EYS: variants seen among roughly 807,000 people sequenced by gnomAD.
The protein encoded by EYS is EGF-like photoreceptor maintenance factor.
A neutral mutation model predicts 282.1 loss-of-function variants in EYS; 250 were observed. The ratio of observed to expected loss-of-function variants is 0.89; its 90% confidence interval spans 0.80 to 0.98. EYS has a LOEUF of 0.98. Among genes scored for constraint, EYS ranks in the 50% least tolerant of loss-of-function variants. The pLI, the probability that EYS is intolerant of heterozygous loss-of-function variation, is 0.00. For synonymous variants in EYS, 1,355 were observed against 1,282.9 expected (o/e 1.06, Z -1.20); for missense variants, 4,016 against 3,709.0 (o/e 1.08, Z -2.15).
chr6:64,212,921 A>G (rs1400696039), intron 31 of EYS, among the ~76,000 whole-genome samples: 1 of 152,196 alleles, frequency 6.6e-6, no homozygotes, highest in Non-Finnish European at 1.5e-5. Context: ...ATGAAATACT[A>G]TGTAGCCATA....
chr6:65,143,498 C>CA (rs1403576870), intron 12 of EYS, among the ~76,000 whole-genome samples: 1 of 151,776 alleles, frequency 6.6e-6, no homozygotes, highest in African/African-American at 2.4e-5. Flanking sequence ...ATTTAGATAA[C>CA]AAAAATATTA....
At chr6:63,972,656 C>T (rs922079141) in intron 35 of EYS, among the ~76,000 whole-genome samples, 6 of 152,026 alleles carry the variant, frequency 3.9e-5, no homozygotes, top group Admixed American at 6.6e-5. Flanking sequence ...CCATCATCTA[C>T]GTCATGTATT....
In EYS at chr6:63,863,952, G is replaced by T. The variant is rs1276974239; in HGVS notation, c.7228+234C>A. On this transcript the variant is annotated intron_variant, in intron 36 of 42. Coordinates refer to ENST00000503581, the MANE Select transcript of EYS (RefSeq NM_001142800.2). ...GCGTCCCAAAGTGCTGGGATTACAG[G>T]CGTGAGCCACTGTACCTAGCCACCA... Among the ~76,000 whole-genome samples, 7 of 152,230 alleles carry T rather than the reference G, an allele frequency of 4.6e-5. No homozygotes were observed. In the East Asian group the frequency reaches 1.4e-3, roughly 29 times the overall value.
intron 35 of EYS, among the ~76,000 whole-genome samples, chr6:63,965,992 T>C (rs562031870): frequency 6.6e-6 from 1 of 152,326 alleles, no homozygotes; most frequent in African/African-American, 2.4e-5. Context: ...GCAAAGTGTT[T>C]AACCTCAGTT....
chr6:63,757,273 TA>T (rs2149652494), intron 41 of EYS, among the ~76,000 whole-genome samples: 1 of 152,098 alleles, frequency 6.6e-6, no homozygotes, highest in African/African-American at 2.4e-5. Context: ...GCGGTTGACA[TA>T]AGGACTGAAA....
chr6:64,549,711 G>A (rs1050441240), intron 26 of EYS, among the ~76,000 whole-genome samples: 1 of 149,388 alleles, frequency 6.7e-6, no homozygotes, highest in Non-Finnish European at 1.5e-5. Flanking sequence ...CACTCCTTAC[G>A]CCTTCCTACA....
chr6:64,974,168 C>A (rs911753049), intron 14 of EYS, among the ~76,000 whole-genome samples: 1 of 151,718 alleles, frequency 6.6e-6, no homozygotes, highest in Admixed American at 6.6e-5. Flanking sequence ...CCAGAGACAT[C>A]TATTCAAAAA....
intron 12 of EYS, among the ~76,000 whole-genome samples, chr6:65,276,574 A>G (rs1768054077): frequency 6.6e-6 from 1 of 152,158 alleles, no homozygotes; most frequent in African/African-American, 2.4e-5. Context: ...AACAGAGGTA[A>G]GGAAGGCTAT....
intron 10 of EYS, 95 bp downstream of exon 10, chr6:65,343,943 A>G (rs1281374713): frequency 1.7e-5 from 18 of 1,070,120 alleles, no homozygotes; most frequent in Non-Finnish European, 2.6e-5. Context: ...TTGAATATTT[A>G]AGAATCTGTA....
chr6:65,428,906 G>A (rs773736133), intron 5 of EYS, among the ~76,000 whole-genome samples: 1 of 152,104 alleles, frequency 6.6e-6, no homozygotes, highest in Non-Finnish European at 1.5e-5. Flanking sequence ...TTCTGAGCCG[G>A]GCGTGGTGGC....
intron 31 of EYS, among the ~76,000 whole-genome samples, chr6:64,141,238 T>A (rs563076336): frequency 9.8e-5 from 15 of 152,328 alleles, no homozygotes; most frequent in Admixed American, 9.8e-4. Context: ...TATAGATATA[T>A]GTGCCCATCT....
intron 33 of EYS, among the ~76,000 whole-genome samples, chr6:64,060,353 C>A (rs1771123581): frequency 6.6e-6 from 1 of 151,974 alleles, no homozygotes. Flanking sequence ...TAGGTCAATA[C>A]CATCTGGTCA....
chr6:64,296,147 A>C (rs1020410866), intron 30 of EYS, among the ~76,000 whole-genome samples: 1 of 152,154 alleles, frequency 6.6e-6, no homozygotes, highest in Admixed American at 6.5e-5. Context: ...GTTTTGGCAT[A>C]ATATCAAAGA....
intron 31 of EYS, among the ~76,000 whole-genome samples, chr6:64,143,003 T>C (rs988314561): frequency 6.6e-6 from 1 of 151,928 alleles, no homozygotes; most frequent in African/African-American, 2.4e-5. Context: ...TGCTAAAAAG[T>C]GAGAAAGCCA....
intron 12 of EYS, among the ~76,000 whole-genome samples, chr6:65,209,686 G>T (rs913814067): frequency 6.6e-6 from 1 of 151,910 alleles, no homozygotes; most frequent in Non-Finnish European, 1.5e-5. Flanking sequence ...ACTTTCAGGT[G>T]GAGGAAGTGC....
At chr6:65,400,987 C>T (rs1012647377) in intron 7 of EYS, among the ~76,000 whole-genome samples, 1 of 151,898 alleles carries the variant, frequency 6.6e-6, no homozygotes, top group Non-Finnish European at 1.5e-5. Flanking sequence ...ATCAGCATCA[C>T]TTACGACTTG....
chr6:65,036,882 G>A (rs141471385), intron 13 of EYS, among the ~76,000 whole-genome samples: 12 of 151,926 alleles, frequency 7.9e-5, no homozygotes, highest in Admixed American at 2.6e-4. Context: ...TAGTCCTGCC[G>A]TGGTTAAAAG....
Position 65,705,055 on chromosome 6 carries a change from T to C in EYS, c.-448+2080A>G, listed in dbSNP as rs562331834. Among the ~76,000 whole-genome samples, 7 of 152,314 alleles carry C rather than the reference T, an allele frequency of 4.6e-5. No homozygotes were observed. The South Asian group carries it at 1.2e-3, about 27-fold the overall frequency. ...TTATTTCAATGATAGAGAAGTGTAA[T>C]AGGCATTTATTTATATCAGTTGGGC... On this transcript the variant is annotated intron_variant, in intron 1 of 42. Coordinates refer to ENST00000503581, the MANE Select transcript of EYS (RefSeq NM_001142800.2).
intron 31 of EYS, among the ~76,000 whole-genome samples, chr6:64,091,625 G>C (rs1197389366): frequency 6.6e-6 from 1 of 152,140 alleles, no homozygotes; most frequent in Non-Finnish European, 1.5e-5. Context: ...TTCCCATCAT[G>C]GCTGGGTGGA....
Sources: gnomAD v4.1 joint callset for allele counts (sites outside exome capture counted in the v4.1 genomes callset) on GRCh38, gnomAD v4.1.1 for gene constraint, MANE v1.5 for transcripts, NCBI Gene and HGNC (gene_info 2026-07-23, HGNC 2026-07-21) for gene names.